NPIPA8: variants seen among roughly 807,000 people sequenced by gnomAD.
The protein encoded by NPIPA8 is nuclear pore complex interacting protein family member A8, also known as nuclear pore complex-interacting protein family member A8.
Under a neutral mutation model 7.1 loss-of-function variants are expected in NPIPA8, and 1 was observed. That is an observed-to-expected ratio of 0.14 (90% CI 0.05 to 0.66). NPIPA8 has a LOEUF of 0.66. Among genes scored for constraint, NPIPA8 ranks in the 30% least tolerant of loss-of-function variants. The probability of loss-of-function intolerance (pLI) is 0.84; values close to 1 mark genes in which losing one functional copy is unlikely to be tolerated.
upstream of NPIPA8, among the ~76,000 whole-genome samples, chr16:18,335,962 A>T (rs1446317926): frequency 6.6e-6 from 1 of 151,056 alleles, no homozygotes; most frequent in Non-Finnish European, 1.5e-5. Context: ...CTGGGACTAC[A>T]GGCGCCCGCC....
At chr16:18,323,847 A>AGAGAG (rs1555461893) in intron 4 of NPIPA8, among the ~76,000 whole-genome samples, 4 of 91,594 alleles carry the variant, frequency 4.4e-5, no homozygotes, top group African/African-American at 1.5e-4. Context: ...AAAAAAAAAA[A>AGAGAG]AGAGAAAGGA....
chr16:18,335,984 C>A (rs1356874906), upstream of NPIPA8, among the ~76,000 whole-genome samples: 8 of 151,680 alleles, frequency 5.3e-5, no homozygotes, highest in Admixed American at 4.6e-4. Flanking sequence ...CCATGCCCAG[C>A]TAAGTTTTTG....
chr16:18,323,819 G>GAAAAAAAAA (rs1162097124), intron 4 of NPIPA8, among the ~76,000 whole-genome samples: 14 of 33,168 alleles, frequency 4.2e-4, no homozygotes, highest in East Asian at 3.0e-3. Flanking sequence ...CCCATCTCAG[G>GAAAAAAAAA]AAAAAAAAAA....
At chr16:18,335,881 C>T (rs1334946926), upstream of NPIPA8, among the ~76,000 whole-genome samples, 15 of 137,170 alleles carry the variant, frequency 1.1e-4, no homozygotes, top group South Asian at 1.2e-3. Context: ...AGTGCAGTGG[C>T]GCAATCTCGG....
At chr16:18,324,599 G>T (rs1900086071) in intron 2 of NPIPA8, 101 bp from the exon 5 acceptor site, 1 of 803,642 alleles carries the variant, frequency 1.2e-6, no homozygotes, top group Non-Finnish European at 1.8e-6. Context: ...GGGGTCAGGA[G>T]TTGAAGACCA....
chr16:18,323,870 G>A (rs1031344109), intron 4 of NPIPA8, among the ~76,000 whole-genome samples: 2 of 115,396 alleles, frequency 1.7e-5, no homozygotes, highest in Non-Finnish European at 3.8e-5. Flanking sequence ...ACCAATGCCA[G>A]TACTAGCAAC....
upstream of NPIPA8, chr16:18,336,352 G>A (rs1211068542): frequency 4.0e-4 from 26 of 65,322 alleles, no homozygotes; most frequent in Middle Eastern, 4.6e-3. Flanking sequence ...GTGCACAGCC[G>A]CGTGCTTGCT....
chr16:18,335,896 C>G (rs1247640415), upstream of NPIPA8, among the ~76,000 whole-genome samples: 2 of 143,422 alleles, frequency 1.4e-5, no homozygotes, highest in African/African-American at 5.3e-5. Flanking sequence ...TCTCGGCTCA[C>G]TGCAAGCTCC....
At chr16:18,324,854 G>A (rs1900095861) in intron 2 of NPIPA8, among the ~76,000 whole-genome samples, 1 of 88,078 alleles carries the variant, frequency 1.1e-5, no homozygotes, top group South Asian at 3.4e-4. Context: ...AATGACATGA[G>A]GCTGGCAGGG....
upstream of NPIPA8, among the ~76,000 whole-genome samples, chr16:18,336,088 T>G (rs1420718136): frequency 6.7e-6 from 1 of 150,196 alleles, no homozygotes; most frequent in Admixed American, 6.6e-5. Context: ...TCCCAAAGTG[T>G]TGGGATTACA....
At chr16:18,335,617 G>A (rs1444011398), upstream of NPIPA8, among the ~76,000 whole-genome samples, 1 of 106,404 alleles carries the variant, frequency 9.4e-6, no homozygotes, top group East Asian at 2.2e-4. Context: ...GTGTGCTGCT[G>A]GGGTTAGTTT....
At chr16:18,336,278 T>A (rs1900180188), upstream of NPIPA8, among the ~76,000 whole-genome samples, 1 of 117,730 alleles carries the variant, frequency 8.5e-6, no homozygotes, top group Non-Finnish European at 1.7e-5. Flanking sequence ...TCTAAGGGAC[T>A]AACTCGGCCT....
upstream of NPIPA8, among the ~76,000 whole-genome samples, chr16:18,336,060 G>C (rs1320070514): frequency 8.6e-5 from 13 of 151,406 alleles, no homozygotes; most frequent in South Asian, 8.3e-4. Context: ...GACCTCAACT[G>C]ATCTGCCCGC....
intron 2 of NPIPA8, among the ~76,000 whole-genome samples, chr16:18,324,752 C>T (rs1274298536): frequency 5.8e-5 from 4 of 69,452 alleles, no homozygotes; most frequent in Non-Finnish European, 1.1e-4. Flanking sequence ...TGCAGTGAGC[C>T]GAGATCACAC....
At chr16:18,324,800 TCACACA>T (rs529158643) in intron 2 of NPIPA8, among the ~76,000 whole-genome samples, 225 of 58,244 alleles carry the variant, frequency 3.9e-3, no homozygotes, top group South Asian at 7.3e-3. Flanking sequence ...TGAGACTCTG[TCACACA>T]CACACACACA....
chr16:18,325,174 C>G (rs1219918502), intron 2 of NPIPA8, among the ~76,000 whole-genome samples: 1 of 78,484 alleles, frequency 1.3e-5, no homozygotes, highest in Non-Finnish European at 2.6e-5. Context: ...CTGTAGCTCA[C>G]GCCTGTAATC....
At chr16:18,335,496 G>A (rs62043972), upstream of NPIPA8, among the ~76,000 whole-genome samples, 33,028 of 111,808 alleles carry the variant, frequency 0.3, 5,928 homozygotes, top group African/African-American at 0.43. Context: ...CACCACGCCC[G>A]GCCATCGTTC....
chr16:18,323,804 A>G (rs1287067353), intron 4 of NPIPA8, among the ~76,000 whole-genome samples: 85 of 105,114 alleles, frequency 8.1e-4, no homozygotes, highest in Middle Eastern at 4.2e-3. Context: ...CAACAAGAGC[A>G]AAGCCCCATC....
rs1900099115 is a variant in NPIPA8, at chr16:18,324,971, C to T, written c.193-473G>A. On this transcript the variant is annotated intron_variant, in intron 2 of 7. Transcript: ENST00000541810. ...CCAACATGGAGAAACGCTGTCTCTG[C>T]TAAAAATTCAAAATTAGCCAGGCAT... Among the ~76,000 whole-genome samples, 3 of 77,520 alleles carry T rather than the reference C, an allele frequency of 3.9e-5. 1 individual carries two copies. In the South Asian group the frequency reaches 1.1e-3, roughly 28 times the overall value. 50.9% of individuals were successfully genotyped at this position (77,520 alleles called of 152,430 possible). A position where few individuals can be genotyped will look rare whatever the true frequency, so the allele number is the denominator to read the frequency against.
Sources: gnomAD v4.1 joint callset for allele counts (sites outside exome capture counted in the v4.1 genomes callset) on GRCh38, gnomAD v4.1.1 for gene constraint, MANE v1.5 for transcripts, NCBI Gene and HGNC (gene_info 2026-07-23, HGNC 2026-07-21) for gene names.